The following CHCHD3 variants were observed in gnomAD, a reference collection of about 807,000 sequenced individuals.
CHCHD3 encodes the protein coiled-coil-helix-coiled-coil-helix domain containing 3, also known as MICOS complex subunit MIC19.
Under a neutral mutation model 38.2 loss-of-function variants are expected in CHCHD3, and 20 were observed. That is an observed-to-expected ratio of 0.52 (90% CI 0.37 to 0.76). The LOEUF is 0.76. CHCHD3 is among the 30% of genes least tolerant of loss of function. The pLI is 0.00. For missense variants in CHCHD3, 245 were observed against 279.2 expected, an observed-to-expected ratio of 0.88 and a Z score of 0.87; for synonymous variants, 82 against 100.0, an observed-to-expected ratio of 0.82 and a Z score of 1.07.
At position 133,041,769 on chromosome 7, in the gene CHCHD3, G is replaced by A. The variant is rs1813840743; in HGVS notation, c.170-17142C>T. Among the ~76,000 whole-genome samples the A allele has an allele frequency of 2.0e-5, 3 of 152,166 alleles. 1 individual carries two copies. Among genetic ancestry groups the A allele is most frequent in the African/African-American group, 7.2e-5 (3 of 41,428 alleles). On this transcript the variant is annotated intron_variant, in intron 2 of 7. Transcript: ENST00000262570. Reference sequence around the variant, plus strand: ...AGTCATATACGCAAAACTTGAATGTGATTTAGAACACCCTGTCCTGGCTGT... The same window carrying A: ...AGTCATATACGCAAAACTTGAATGTAATTTAGAACACCCTGTCCTGGCTGT...
At chr7:133,033,184 C>A (rs1813548111) in intron 2 of CHCHD3, among the ~76,000 whole-genome samples, 1 of 152,210 alleles carries the variant, frequency 6.6e-6, no homozygotes, top group South Asian at 2.1e-4. Flanking sequence ...GCTATTGTTA[C>A]ACAGTAGTTT....
chr7:132,909,496 A>C (rs1224481843), intron 4 of CHCHD3, among the ~76,000 whole-genome samples: 1 of 152,170 alleles, frequency 6.6e-6, no homozygotes, highest in Non-Finnish European at 1.5e-5. Context: ...ATCTCAAAAA[A>C]CAAACAAAAA....
chr7:132,886,251 C>A (rs201465589), intron 4 of CHCHD3, among the ~76,000 whole-genome samples: 11 of 151,882 alleles, frequency 7.2e-5, no homozygotes, highest in Non-Finnish European at 1.3e-4. Context: ...AGAGTGGAAA[C>A]AAAAACTACC....
At chr7:132,859,756 C>A (rs1427047038) in intron 5 of CHCHD3, among the ~76,000 whole-genome samples, 5 of 152,122 alleles carry the variant, frequency 3.3e-5, no homozygotes, top group Non-Finnish European at 7.4e-5. Context: ...AAGAAGTAAC[C>A]CCCAGTTCAG....
At chr7:132,820,594 T>C (rs1008049090) in intron 6 of CHCHD3, among the ~76,000 whole-genome samples, 8 of 148,252 alleles carry the variant, frequency 5.4e-5, no homozygotes, top group Admixed American at 1.4e-4. Context: ...TGCACAAACA[T>C]GGGAAAATGT....
rs866058203 is a variant in CHCHD3, at chr7:132,975,183, T to C, written c.355A>G (p.Lys119Glu). 5.0e-6 allele frequency: 8 copies of C among 1,612,160 alleles called. No individual in the cohort carries two copies. In the Middle Eastern group the frequency reaches 1.1e-3, roughly 224 times the overall value. ...ERICSEEERA[K>E]AKHLARQLEE... Reference sequence around the variant, plus strand: ...TTAATACTCACCAGGTGCTTTGCCTTAGCGCGTTCCTCCTCGCTACATATC... The same window carrying C: ...TTAATACTCACCAGGTGCTTTGCCTCAGCGCGTTCCTCCTCGCTACATATC... The change falls in exon 4 of 8, where the codon AAG becomes GAG. Residue 119 changes from lysine to glutamate, a missense_variant. Lys to Glu is a moderately conservative substitution (Grantham distance 56). Coordinates refer to ENST00000262570, the MANE Select transcript of CHCHD3 (RefSeq NM_017812.4).
chr7:132,937,830 T>A (rs1186953076), intron 4 of CHCHD3, among the ~76,000 whole-genome samples: 2 of 152,248 alleles, frequency 1.3e-5, no homozygotes, highest in African/African-American at 4.8e-5. Context: ...ACTTTGTTAC[T>A]GATTAAGATT....
At chr7:132,893,030 AC>A (rs931679402) in intron 4 of CHCHD3, among the ~76,000 whole-genome samples, 2 of 152,172 alleles carry the variant, frequency 1.3e-5, no homozygotes, top group African/African-American at 4.8e-5. Context: ...TGCCTAGTGG[AC>A]CTGTGAGAAG....
At chr7:132,953,109 A>G (rs1250469947) in intron 4 of CHCHD3, among the ~76,000 whole-genome samples, 1 of 12,768 alleles carries the variant, frequency 7.8e-5, no homozygotes, top group South Asian at 1.8e-3. Flanking sequence ...TCCATCAAGG[A>G]AAATTCCTCA....
At chr7:132,842,601 AAC>A (rs1807966933) in intron 5 of CHCHD3, among the ~76,000 whole-genome samples, 1 of 152,148 alleles carries the variant, frequency 6.6e-6, no homozygotes, top group African/African-American at 2.4e-5. Flanking sequence ...TCTCATCTGT[AAC>A]AGTTCCTCAG....
intron 4 of CHCHD3, among the ~76,000 whole-genome samples, chr7:132,940,595 A>G (rs977215713): frequency 3.3e-5 from 5 of 152,198 alleles, no homozygotes; most frequent in African/African-American, 1.2e-4. Flanking sequence ...AAGCACTTTA[A>G]TATAGTTTCT....
chr7:133,063,291 T>A (rs1814572303), intron 2 of CHCHD3, among the ~76,000 whole-genome samples: 1 of 152,136 alleles, frequency 6.6e-6, no homozygotes, highest in East Asian at 1.9e-4. Flanking sequence ...TACCCATCCA[T>A]GGAGCAGTAG....
chr7:133,075,004 C>T (rs1031248142), intron 1 of CHCHD3, among the ~76,000 whole-genome samples: 4 of 152,126 alleles, frequency 2.6e-5, no homozygotes, highest in African/African-American at 9.7e-5. Context: ...CTGTAAGGTG[C>T]ATGAGGACCA....
At chr7:132,887,000 T>TA in intron 4 of CHCHD3, 2 of 1,277,900 alleles carry the variant, frequency 1.6e-6, no homozygotes, top group South Asian at 2.8e-5. Flanking sequence ...TGCAGCATGT[T>TA]AAAAATAAAA....
chr7:132,985,101 C>T (rs1417596852), intron 3 of CHCHD3, among the ~76,000 whole-genome samples: 1 of 94,194 alleles, frequency 1.1e-5, no homozygotes, highest in Non-Finnish European at 2.3e-5. Flanking sequence ...TCCGGCCAGC[C>T]GCCCCATCCG....
chr7:132,985,381 G>A (rs1251485838), intron 3 of CHCHD3, among the ~76,000 whole-genome samples: 2 of 80,240 alleles, frequency 2.5e-5, no homozygotes, highest in African/African-American at 4.7e-5. Context: ...GAGGTGGGGG[G>A]GTCAGCCCCC....
At position 132,873,411 on chromosome 7, in the gene CHCHD3, T is replaced by C. The variant is rs949325965; in HGVS notation, c.453+12251A>G. On this transcript the variant is annotated intron_variant, in intron 5 of 7. Transcript: ENST00000262570. ...CTTATAATAATCCCTCAATTCATGG[T>C]AAATTTTTTTTTTTTTTTTTTGAGA... 1.2e-3 allele frequency among the ~76,000 whole-genome samples: 109 copies of C among 90,888 alleles called. 1 individual carries two copies. The highest frequency in any genetic ancestry group is 1.7e-3 in the Admixed American group (9 of 5,358). 59.6% of individuals were successfully genotyped at this position (90,888 alleles called of 152,430 possible). A position where few individuals can be genotyped will look rare whatever the true frequency, so the allele number is the denominator to read the frequency against.
At chr7:133,013,002 A>G (rs963829123) in intron 3 of CHCHD3, among the ~76,000 whole-genome samples, 2 of 151,906 alleles carry the variant, frequency 1.3e-5, no homozygotes, top group South Asian at 4.2e-4. Flanking sequence ...CCTGGCCAAC[A>G]TGATGAAACC....
chr7:133,001,742 A>G (rs1259498043), intron 3 of CHCHD3, among the ~76,000 whole-genome samples: 1 of 152,226 alleles, frequency 6.6e-6, no homozygotes, highest in African/African-American at 2.4e-5. Context: ...AGAAAAAATG[A>G]AAAAGGGCAA....
Sources: allele counts gnomAD v4.1 joint callset (sites outside exome capture counted in the v4.1 genomes callset), GRCh38; gene constraint gnomAD v4.1.1; transcripts MANE v1.5; gene names NCBI Gene and HGNC (gene_info 2026-07-23, HGNC 2026-07-21).